PREX2: variants seen among roughly 807,000 people sequenced by gnomAD.
PREX2 encodes phosphatidylinositol 3,4,5-trisphosphate-dependent Rac exchanger 2 protein.
In PREX2, 107 loss-of-function variants were observed where a neutral mutation model predicts 203.2. The ratio of observed to expected loss-of-function variants is 0.53; its 90% CI spans 0.45 to 0.62. The LOEUF (loss-of-function observed/expected upper bound fraction) is 0.62, where lower values mean the gene tolerates loss of function less well. Ranked by LOEUF, PREX2 falls within the 20% of genes least tolerant of loss-of-function variation. The pLI, the probability that PREX2 is intolerant of heterozygous loss-of-function variation, is 0.00. For synonymous variants in PREX2, 672 were observed against 663.6 expected, an observed-to-expected ratio of 1.01 and a Z score of -0.19; for missense variants, 1,777 against 1,955.9, an observed-to-expected ratio of 0.91 and a Z score of 1.72.
intron 33 of PREX2, among the ~76,000 whole-genome samples, chr8:68,139,496 C>A (rs1351662403): frequency 6.6e-6 from 1 of 152,270 alleles, no homozygotes. Flanking sequence ...GTTGAAAGAG[C>A]TTTGCTTCCT....
chr8:68,172,517 A>C (rs1191577953), intron 35 of PREX2, among the ~76,000 whole-genome samples: 1 of 152,256 alleles, frequency 6.6e-6, no homozygotes, highest in African/African-American at 2.4e-5. Context: ...GCAATATGTG[A>C]AACAAATTAT....
intron 23 of PREX2, chr8:68,101,265 G>A (rs1810256171): frequency 2.1e-6 from 1 of 483,940 alleles, no homozygotes; most frequent in Non-Finnish European, 4.1e-6. Context: ...TAATACCCAA[G>A]GGACTCACAA....
At chr8:68,171,828 G>A (rs1170962160) in intron 35 of PREX2, among the ~76,000 whole-genome samples, 2 of 152,210 alleles carry the variant, frequency 1.3e-5, no homozygotes, top group African/African-American at 2.4e-5. Flanking sequence ...GAGAGAAAGA[G>A]AGAGGGAGAA....
At chr8:68,152,188 C>A (rs899552020) in intron 34 of PREX2, among the ~76,000 whole-genome samples, 7 of 143,070 alleles carry the variant, frequency 4.9e-5, no homozygotes, top group Non-Finnish European at 7.5e-5. Context: ...ACTGGGGAGG[C>A]TGAGGCAGGA....
chr8:68,230,336 A>T (rs773575345), intron 39 of PREX2, among the ~76,000 whole-genome samples: 1 of 152,192 alleles, frequency 6.6e-6, no homozygotes, highest in African/African-American at 2.4e-5. Flanking sequence ...TAGTGCTTTT[A>T]TGAAAAGATG....
At chr8:68,150,682 G>A (rs1811415835) in intron 34 of PREX2, among the ~76,000 whole-genome samples, 1 of 152,144 alleles carries the variant, frequency 6.6e-6, no homozygotes, top group South Asian at 2.1e-4. Context: ...GGCTGTGGGT[G>A]CCTTGGAAAC....
intron 1 of PREX2, among the ~76,000 whole-genome samples, chr8:67,957,148 G>C (rs911816947): frequency 3.3e-5 from 5 of 152,160 alleles, no homozygotes; most frequent in Admixed American, 6.5e-5. Context: ...TTTTGTTTCT[G>C]TTATATTCCT....
chr8:68,097,094 C>A lies in PREX2; in HGVS notation c.2446C>A (p.His816Asn), dbSNP rs761889048. 1.2e-6 allele frequency: 2 copies of A among 1,613,784 alleles called. No homozygotes were observed. The highest frequency in any genetic ancestry group is 1.7e-6 in the Non-Finnish European group (2 of 1,179,900). The change falls in exon 22 of 40, where the codon CAC (histidine) becomes AAC (asparagine). Residue 816 changes from histidine (H) to asparagine (N), a missense_variant. Transcript: ENST00000288368. ...EHVSLTVDNVHLEYGVVYEYD... is the reference protein window; with the variant it reads ...EHVSLTVDNVNLEYGVVYEYD... ...TGTGAGTCTGACAGTGGACAATGTC[C>A]ACCTGGAATATGGTGTCGTGTATGA...
At chr8:68,120,392 T>G (rs1810747539) in intron 29 of PREX2, 106 bp downstream of exon 29, 1 of 721,728 alleles carries the variant, frequency 1.4e-6, no homozygotes, top group South Asian at 1.7e-5. Context: ...TTCCAGTTAC[T>G]CATGTTTCAT....
intron 30 of PREX2, among the ~76,000 whole-genome samples, chr8:68,124,777 G>T (rs1585812902): frequency 6.6e-6 from 1 of 152,038 alleles, no homozygotes; most frequent in Non-Finnish European, 1.5e-5. Context: ...GCAGCTATAG[G>T]AATGATAACT....
chr8:68,133,465 T>TTCATA (rs1338354293), intron 31 of PREX2, among the ~76,000 whole-genome samples: 1 of 152,210 alleles, frequency 6.6e-6, no homozygotes, highest in Non-Finnish European at 1.5e-5. Context: ...ATTATAGGAA[T>TTCATA]TCATATTCTT....
intron 28 of PREX2, 67 bp from the exon 29 acceptor site, chr8:68,120,129 T>G (rs1479469237): frequency 8.7e-6 from 9 of 1,034,062 alleles, no homozygotes; most frequent in Non-Finnish European, 1.0e-5. Flanking sequence ...TTTATAAGAT[T>G]TACTTTTAGA....
chr8:68,217,860 T>C (rs1335630441), intron 38 of PREX2, 142 bp downstream of exon 38: 1 of 505,886 alleles, frequency 2.0e-6, no homozygotes, highest in South Asian at 3.1e-5. Context: ...GAATGAGAAA[T>C]GCTCCCAGGG....
At chr8:68,068,689 A>G (rs183100801) in intron 11 of PREX2, among the ~76,000 whole-genome samples, 1 of 152,144 alleles carries the variant, frequency 6.6e-6, no homozygotes, top group East Asian at 1.9e-4. Flanking sequence ...GAAACAGAAA[A>G]CACAAAATCA....
chr8:68,070,069 G>A (rs946124360), intron 13 of PREX2, among the ~76,000 whole-genome samples, 185 bp downstream of exon 13: 7 of 151,042 alleles, frequency 4.6e-5, no homozygotes, highest in African/African-American at 1.7e-4. Context: ...TAATTATATA[G>A]TGTTTTCCAC....
Position 68,108,116 on chromosome 8 carries a change from G to T in PREX2, c.2723G>T (p.Arg908Leu), listed in dbSNP as rs201443824. ...GTTTTCTTTAATTTGCAGTTTTCTCGTGTACTGAAGAATAGGGCCTGGCCT... is the reference window on the plus strand; with the variant it reads ...GTTTTCTTTAATTTGCAGTTTTCTCTTGTACTGAAGAATAGGGCCTGGCCT... The part of the protein sequence containing the change: ...QRISSYKKFS[R>L]VLKNRAWPTF... The change falls in exon 24 of 40, where the codon CGT (arginine) becomes CTT (leucine). Residue 908 changes from arginine to leucine, a missense_variant. Physicochemically the swap from Arg to Leu is moderately radical, Grantham distance 102 (BLOSUM62 -2). Transcript: ENST00000288368. 3 of 1,609,150 alleles carry T rather than the reference G, an allele frequency of 1.9e-6. No individual in the cohort carries two copies. The highest frequency in any genetic ancestry group is 1.7e-6 in the Non-Finnish European group (2 of 1,177,716).
intron 35 of PREX2, among the ~76,000 whole-genome samples, chr8:68,184,188 C>T (rs1056644184): frequency 1.3e-5 from 2 of 152,236 alleles, no homozygotes; most frequent in African/African-American, 4.8e-5. Context: ...TATTCTTTAA[C>T]CACATGTGGC....
At chr8:68,119,892 C>T (rs200926919) in intron 28 of PREX2, among the ~76,000 whole-genome samples, 1 of 151,844 alleles carries the variant, frequency 6.6e-6, no homozygotes, top group African/African-American at 2.4e-5. Context: ...TTTACATTAA[C>T]AAAATTTATA....
intron 20 of PREX2, among the ~76,000 whole-genome samples, chr8:68,091,265 C>T (rs745679691): frequency 3.3e-5 from 5 of 152,112 alleles, no homozygotes; most frequent in Admixed American, 6.5e-5. Context: ...AAAATGTACT[C>T]GGCGTTATCT....
Sources: gnomAD v4.1 joint callset for allele counts (sites outside exome capture counted in the v4.1 genomes callset) on GRCh38, gnomAD v4.1.1 for gene constraint, MANE v1.5 for transcripts, NCBI Gene and HGNC (gene_info 2026-07-23, HGNC 2026-07-21) for gene names.